The following IMPG1 variants were observed in gnomAD, a reference collection of about 807,000 sequenced individuals.
IMPG1 encodes the protein interphotoreceptor matrix proteoglycan of 150 kDa.
Under a neutral mutation model 92.0 loss-of-function variants are expected in IMPG1, and 85 were observed. The observed-to-expected ratio is 0.92, with a 90% CI of 0.78 to 1.11. IMPG1 has a LOEUF of 1.11. Ranked by LOEUF, IMPG1 falls within the 50% of genes least tolerant of loss-of-function variation. The probability of loss-of-function intolerance (pLI) is 0.00; values close to 1 mark genes in which losing one functional copy is unlikely to be tolerated. For synonymous variants in IMPG1, 367 were observed against 334.1 expected (o/e 1.10, Z -1.08); for missense variants, 1,022 against 956.0 (o/e 1.07, Z -0.91).
chr6:75,960,748 C>T (rs968546539), intron 12 of IMPG1, among the ~76,000 whole-genome samples: 8 of 152,204 alleles, frequency 5.3e-5, no homozygotes, highest in African/African-American at 1.9e-4. Flanking sequence ...ACCAGTCCAA[C>T]ATTGTATTTT....
chr6:75,927,768 A>G (rs1167435722), intron 15 of IMPG1, among the ~76,000 whole-genome samples: 4 of 121,144 alleles, frequency 3.3e-5, no homozygotes, highest in Admixed American at 1.2e-4. Context: ...CCTCTCATCT[A>G]TTGCCCAGCA....
intron 12 of IMPG1, among the ~76,000 whole-genome samples, chr6:75,957,940 C>G (rs1213231016): frequency 6.6e-6 from 1 of 152,106 alleles, no homozygotes; most frequent in Non-Finnish European, 1.5e-5. Flanking sequence ...GAATTTGATC[C>G]TGTCATTATG....
In IMPG1 at chr6:75,921,346, T is replaced by TATA. The variant is rs1781424941; in HGVS notation, c.*742_*743insTAT. On this transcript the variant is annotated 3_prime_UTR_variant, in exon 17 of 17. Transcript: ENST00000369950. ...GTTCATCTGTGGTGGAAGACAGGAA[T>TATA]TGATTATGTCATATAGTACAACTTC... The TATA allele has an allele frequency of 3.3e-5, 5 of 152,232 alleles. No homozygotes were observed. The highest frequency in any genetic ancestry group is 6.5e-5 in the Admixed American group (1 of 15,286). The allele number at this position is 152,232 out of a possible 1,614,324, so 9.4% of individuals were successfully genotyped here.
intron 7 of IMPG1, among the ~76,000 whole-genome samples, chr6:76,012,999 T>C (rs1252607068): frequency 1.3e-5 from 2 of 152,090 alleles, no homozygotes; most frequent in Non-Finnish European, 1.5e-5. Context: ...GTCTTTTGTT[T>C]TCACCATGTT....
At chr6:76,066,136 T>C (rs746981660) in intron 1 of IMPG1, among the ~76,000 whole-genome samples, 3 of 151,914 alleles carry the variant, frequency 2.0e-5, no homozygotes, top group Non-Finnish European at 4.4e-5. Flanking sequence ...ATAAATACAA[T>C]ACAGGTGTTA....
At chr6:76,010,379 A>T (rs1783164669) in intron 8 of IMPG1, among the ~76,000 whole-genome samples, 1 of 152,218 alleles carries the variant, frequency 6.6e-6, no homozygotes, top group Non-Finnish European at 1.5e-5. Flanking sequence ...TTATGAGTTC[A>T]TCTGTAGACG....
intron 12 of IMPG1, among the ~76,000 whole-genome samples, chr6:75,953,426 C>T (rs188356705): frequency 6.6e-6 from 1 of 151,828 alleles, no homozygotes; most frequent in Admixed American, 6.6e-5. Context: ...TATCCCTCCC[C>T]TACTGTGCGA....
At position 76,005,532 on chromosome 6, in the gene IMPG1, G is replaced by C; in HGVS notation, c.890C>G (p.Ser297Ter). ...CGTAAGTTGCATCTCTGTGGAGCTT[G>C]AGCTGTAGATAGCAGAGGACACATT... is the stretch of plus-strand genomic sequence containing the variant. ...GFRPKKEKDG[S>*]SSTEMQLTAI... is the part of the protein sequence containing the mutation. The change falls in exon 10 of 17, where the codon TCA becomes TGA. Residue 297 changes from serine (S) to a stop codon, truncating the protein, a stop_gained and splice_region_variant. Coordinates refer to ENST00000369950, the MANE Select transcript of IMPG1 (RefSeq NM_001563.4). LOFTEE classifies it high-confidence loss of function. The C allele has an allele frequency of 6.2e-7, 1 of 1,613,760 alleles. No homozygotes were observed. The highest frequency in any genetic ancestry group is 8.5e-7 in the Non-Finnish European group (1 of 1,179,860).
intron 12 of IMPG1, among the ~76,000 whole-genome samples, chr6:75,996,900 G>A (rs1315266546): frequency 1.3e-5 from 2 of 152,134 alleles, no homozygotes; most frequent in Non-Finnish European, 2.9e-5. Context: ...AGTGAAAGAC[G>A]GGAACAGATT....
At chr6:76,065,247 T>C (rs1245083600) in intron 1 of IMPG1, among the ~76,000 whole-genome samples, 1 of 151,848 alleles carries the variant, frequency 6.6e-6, no homozygotes, top group Non-Finnish European at 1.5e-5. Flanking sequence ...CAAAATGAAA[T>C]CTTTGAAATA....
At chr6:75,924,526 A>G (rs1385850471) in intron 15 of IMPG1, among the ~76,000 whole-genome samples, 1 of 71,806 alleles carries the variant, frequency 1.4e-5, no homozygotes, top group African/African-American at 5.6e-5. Flanking sequence ...ATAATTATAT[A>G]TTATAATATA....
At chr6:76,068,797 G>T (rs191136858) in intron 1 of IMPG1, among the ~76,000 whole-genome samples, 53 of 152,026 alleles carry the variant, frequency 3.5e-4, no homozygotes, top group African/African-American at 1.1e-3. Context: ...GATTACAAGC[G>T]TGAGCCAACG....
intron 12 of IMPG1, among the ~76,000 whole-genome samples, chr6:75,984,592 T>C (rs531134639): frequency 6.6e-6 from 1 of 152,340 alleles, no homozygotes; most frequent in African/African-American, 2.4e-5. Context: ...ATATGTTAAT[T>C]AGCTTGATTT....
chr6:75,932,362 G>C (rs1388870115), intron 14 of IMPG1, among the ~76,000 whole-genome samples: 2 of 152,156 alleles, frequency 1.3e-5, no homozygotes, highest in Admixed American at 1.3e-4. Context: ...GTAATTTGTA[G>C]AGCAACTCAC....
At chr6:75,958,559 C>G (rs1234856145) in intron 12 of IMPG1, among the ~76,000 whole-genome samples, 2 of 152,112 alleles carry the variant, frequency 1.3e-5, no homozygotes, top group African/African-American at 4.8e-5. Context: ...TTCACATAGT[C>G]CCATATTTCT....
At chr6:75,971,434 A>G (rs1393318272) in intron 12 of IMPG1, among the ~76,000 whole-genome samples, 1 of 152,012 alleles carries the variant, frequency 6.6e-6, no homozygotes, top group Non-Finnish European at 1.5e-5. Flanking sequence ...TAACCTGCAC[A>G]TTGTGCACAT....
chr6:75,943,701 C>T (rs1781874427), intron 14 of IMPG1, among the ~76,000 whole-genome samples: 1 of 152,246 alleles, frequency 6.6e-6, no homozygotes, highest in Non-Finnish European at 1.5e-5. Context: ...TTCTGGCTAT[C>T]CCCGGCCAAA....
chr6:75,983,856 G>T (rs1782669310), intron 12 of IMPG1, among the ~76,000 whole-genome samples: 1 of 151,796 alleles, frequency 6.6e-6, no homozygotes, highest in African/African-American at 2.4e-5. Flanking sequence ...ATAAGAAACT[G>T]AAAAAACTCA....
At chr6:75,975,978 T>C (rs1333982137) in intron 12 of IMPG1, among the ~76,000 whole-genome samples, 4 of 152,050 alleles carry the variant, frequency 2.6e-5, no homozygotes, top group Non-Finnish European at 4.4e-5. Context: ...CTGAGAAAAG[T>C]AAAAAGCATG....
Sources: allele counts gnomAD v4.1 joint callset (sites outside exome capture counted in the v4.1 genomes callset), GRCh38; gene constraint gnomAD v4.1.1; transcripts MANE v1.5; gene names NCBI Gene and HGNC (gene_info 2026-07-23, HGNC 2026-07-21).